The following ONECUT1 variants were observed in gnomAD, a reference collection of about 807,000 sequenced individuals.
The protein encoded by ONECUT1 is hepatocyte nuclear factor 6.
In ONECUT1, 12 loss-of-function variants were observed where a neutral mutation model predicts 25.6. The ratio of observed to expected loss-of-function variants is 0.47; its 90% CI spans 0.30 to 0.76. The LOEUF (loss-of-function observed/expected upper bound fraction) is 0.76, where lower values mean the gene tolerates loss of function less well. ONECUT1 is among the 30% of genes least tolerant of loss of function. The probability of loss-of-function intolerance (pLI) is 0.07; values close to 1 mark genes in which losing one functional copy is unlikely to be tolerated. For synonymous variants in ONECUT1, 285 were observed against 270.2 expected (o/e 1.05, Z -0.54); for missense variants, 620 against 651.2 (o/e 0.95, Z 0.52).
At chr15:52,763,401 G>A (rs1478978695) in intron 1 of ONECUT1, among the ~76,000 whole-genome samples, 1 of 152,148 alleles carries the variant, frequency 6.6e-6, no homozygotes, top group Non-Finnish European at 1.5e-5. Context: ...AACAGAGCAT[G>A]AGGGTGTGGG....
intron 1 of ONECUT1, among the ~76,000 whole-genome samples, chr15:52,769,661 G>C (rs1329082411): frequency 6.6e-6 from 1 of 152,184 alleles, no homozygotes; most frequent in African/African-American, 2.4e-5. Flanking sequence ...GAGCAACAGA[G>C]CTGGAGAAGC....
chr15:52,767,894 G>C (rs981846532), intron 1 of ONECUT1, among the ~76,000 whole-genome samples: 1 of 152,118 alleles, frequency 6.6e-6, no homozygotes, highest in African/African-American at 2.4e-5. Context: ...GCAGCAACAC[G>C]GTTGGAACTG....
At chr15:52,787,709 A>G (rs1187247171) in intron 1 of ONECUT1, 1 of 152,078 alleles carries the variant, frequency 6.6e-6, no homozygotes, top group Non-Finnish European at 1.5e-5. Flanking sequence ...ATCTCATCAA[A>G]CCCAGGCCAC....
intron 1 of ONECUT1, among the ~76,000 whole-genome samples, chr15:52,787,452 A>G (rs866442952): frequency 6.6e-6 from 1 of 151,988 alleles, no homozygotes; most frequent in Non-Finnish European, 1.5e-5. Flanking sequence ...TCACGCTTTG[A>G]TTTTAGACTG....
chr15:52,785,398 G>A (rs549016749), intron 1 of ONECUT1, among the ~76,000 whole-genome samples: 3 of 152,120 alleles, frequency 2.0e-5, no homozygotes, highest in East Asian at 3.9e-4. Context: ...GGCAAACACC[G>A]GACGGGAAGG....
intron 1 of ONECUT1, chr15:52,780,539 G>A: frequency 1.3e-6 from 2 of 1,486,774 alleles, no homozygotes; most frequent in Non-Finnish European, 9.1e-7. Flanking sequence ...CACTTTAACT[G>A]CATCTTAATT....
chr15:52,768,984 A>G (rs1270453875), intron 1 of ONECUT1, among the ~76,000 whole-genome samples: 3 of 152,118 alleles, frequency 2.0e-5, no homozygotes, highest in Non-Finnish European at 2.9e-5. Context: ...CCCACTCAAT[A>G]CCAATCATTC....
At chr15:52,785,356 C>T (rs527648720) in intron 1 of ONECUT1, among the ~76,000 whole-genome samples, 29 of 152,314 alleles carry the variant, frequency 1.9e-4, no homozygotes, top group South Asian at 1.0e-3. Context: ...ACCCCTCCCC[C>T]CTTGGCTCAG....
intron 1 of ONECUT1, among the ~76,000 whole-genome samples, chr15:52,772,195 C>G (rs1246995627): frequency 1.3e-5 from 2 of 151,788 alleles, no homozygotes; most frequent in African/African-American, 4.8e-5. Flanking sequence ...GAGATCGAGA[C>G]CATCCTGGCT....
At position 52,784,753 on chromosome 15, in the gene ONECUT1, G is replaced by T. The variant is rs2083862805; in HGVS notation, c.1105+4027C>A. ...CTTTTTTGGTTTTGCAGTCGGCTAGGTGTGTGTGTGTGAGGGTCCCCAGTT... is the reference window on the plus strand; with the variant it reads ...CTTTTTTGGTTTTGCAGTCGGCTAGTTGTGTGTGTGTGAGGGTCCCCAGTT... On this transcript the variant is annotated intron_variant, in intron 1 of 1. Transcript: ENST00000305901. This position sits in a 1 kb window ranked among gnomAD's most constrained non-coding sequence, Gnocchi z 5.0. 6.6e-6 allele frequency among the ~76,000 whole-genome samples: 1 copy of T among 152,198 alleles called. No homozygotes were observed. The highest frequency in any genetic ancestry group is 2.1e-4 in the South Asian group (1 of 4,806).
intron 1 of ONECUT1, among the ~76,000 whole-genome samples, chr15:52,787,603 G>T (rs895795749): frequency 6.7e-6 from 1 of 150,140 alleles, no homozygotes; most frequent in Non-Finnish European, 1.5e-5. Flanking sequence ...TCAGGCCTGG[G>T]CGCTGGGCTG....
chr15:52,782,520 T>A (rs1361070651), intron 1 of ONECUT1, among the ~76,000 whole-genome samples: 1 of 152,244 alleles, frequency 6.6e-6, no homozygotes, highest in Non-Finnish European at 1.5e-5. Context: ...TGACATTTTT[T>A]ATGTAGAAAT....
intron 1 of ONECUT1, among the ~76,000 whole-genome samples, chr15:52,769,356 A>C (rs2083752886): frequency 1.3e-5 from 2 of 152,234 alleles, no homozygotes; most frequent in African/African-American, 4.8e-5. Flanking sequence ...GAAAATAGAG[A>C]TGCAAGAGAC....
rs72740271 is a variant in ONECUT1, at chr15:52,766,805, C to T, written c.1106-8958G>A. On this transcript the variant is annotated intron_variant, in intron 1 of 1. Transcript: ENST00000305901. ...GGAAAGTCATTGGAGCCTCTCCCTG[C>T]CCCCGGTCTGCTTCTCTAGCAGAGC... 3.5e-3 allele frequency among the ~76,000 whole-genome samples: 533 copies of T among 152,316 alleles called. 1 individual carries two copies. The highest frequency in any genetic ancestry group is 0.011 in the South Asian group (51 of 4,828).
At chr15:52,763,537 T>A (rs1254452149) in intron 1 of ONECUT1, among the ~76,000 whole-genome samples, 1 of 152,222 alleles carries the variant, frequency 6.6e-6, no homozygotes, top group South Asian at 2.1e-4. Flanking sequence ...TTGTGAACAA[T>A]GAGTTGTGAG....
intron 1 of ONECUT1, among the ~76,000 whole-genome samples, chr15:52,766,973 G>T (rs1383704703): frequency 1.3e-5 from 2 of 152,212 alleles, no homozygotes; most frequent in African/African-American, 2.4e-5. Flanking sequence ...CCTGGACAAG[G>T]TTGCCTGGGC....
chr15:52,759,562 G>A (rs1010083892), intron 1 of ONECUT1, among the ~76,000 whole-genome samples: 1 of 152,124 alleles, frequency 6.6e-6, no homozygotes, highest in Non-Finnish European at 1.5e-5. Context: ...ACATGTGTTA[G>A]TATACTACTA....
intron 1 of ONECUT1, among the ~76,000 whole-genome samples, chr15:52,766,396 G>C (rs775560291): frequency 1.1e-4 from 17 of 152,118 alleles, no homozygotes; most frequent in Non-Finnish European, 2.4e-4. Flanking sequence ...TGGTGAAATG[G>C]GGGCAAGAGC....
chr15:52,778,191 C>A (rs1003997596), intron 1 of ONECUT1, among the ~76,000 whole-genome samples: 3 of 152,172 alleles, frequency 2.0e-5, no homozygotes, highest in Admixed American at 6.5e-5. Context: ...AATAAAAGAA[C>A]TAGAACATTA....
Sources: gnomAD v4.1 joint callset for allele counts (sites outside exome capture counted in the v4.1 genomes callset) on GRCh38, gnomAD v4.1.1 for gene constraint, Gnocchi (gnomAD v3.1) non-coding constraint, MANE v1.5 for transcripts, NCBI Gene and HGNC (gene_info 2026-07-23, HGNC 2026-07-21) for gene names.